KCNH7: variants seen among roughly 807,000 people sequenced by gnomAD.
KCNH7 encodes the protein voltage-gated inwardly rectifying potassium channel KCNH7.
Under a neutral mutation model 120.8 loss-of-function variants are expected in KCNH7, and 49 were observed. The ratio of observed to expected loss-of-function variants is 0.41; its 90% CI spans 0.32 to 0.51. The LOEUF is 0.51. Ranked by LOEUF, KCNH7 falls within the 20% of genes least tolerant of loss-of-function variation. The pLI, the probability that KCNH7 is intolerant of heterozygous loss-of-function variation, is 0.38. For missense variants in KCNH7, 1,097 were observed against 1,446.6 expected (o/e 0.76, Z 3.92); for synonymous variants, 547 against 516.1 (o/e 1.06, Z -0.81).
chr2:162,650,569 A>G (rs1320581686), intron 2 of KCNH7, among the ~76,000 whole-genome samples: 2 of 152,138 alleles, frequency 1.3e-5, no homozygotes, highest in Non-Finnish European at 2.9e-5. Context: ...TTCCTCGCCT[A>G]GGTTCAAATG....
At chr2:162,700,781 A>G (rs1234703326) in intron 2 of KCNH7, among the ~76,000 whole-genome samples, 2 of 152,196 alleles carry the variant, frequency 1.3e-5, no homozygotes, top group Non-Finnish European at 2.9e-5. Context: ...GAGTCTGTCA[A>G]AAGCTTTAAA....
chr2:162,729,306 C>T (rs926747000), intron 2 of KCNH7, among the ~76,000 whole-genome samples: 6 of 152,062 alleles, frequency 3.9e-5, no homozygotes, highest in Admixed American at 3.3e-4. Context: ...GCTGGGACTA[C>T]AGGCGCCCGA....
intron 9 of KCNH7, among the ~76,000 whole-genome samples, chr2:162,409,788 C>T (rs1687331759): frequency 6.6e-6 from 1 of 151,836 alleles, no homozygotes; most frequent in African/African-American, 2.4e-5. Context: ...ACACCGATAA[C>T]ACCCAAGTTC....
At chr2:162,383,231 G>C (rs959936457) in intron 13 of KCNH7, among the ~76,000 whole-genome samples, 1 of 151,932 alleles carries the variant, frequency 6.6e-6, no homozygotes, top group African/African-American at 2.4e-5. Context: ...TTTGGAGATA[G>C]CAGAGATGGT....
chr2:162,406,380 A>G (rs1558929172), intron 9 of KCNH7, among the ~76,000 whole-genome samples: 1 of 151,954 alleles, frequency 6.6e-6, no homozygotes, highest in East Asian at 1.9e-4. Context: ...TTCACTTAGT[A>G]TAGTTGCAGG....
At chr2:162,512,786 G>T in intron 4 of KCNH7, 112 bp from the exon 5 acceptor site, 1 of 800,802 alleles carries the variant, frequency 1.2e-6, no homozygotes, top group Non-Finnish European at 1.9e-6. Context: ...AGAATATGAT[G>T]GAAAATTTCT....
rs553445136 is a variant in KCNH7 at position 162,779,132 on chromosome 2, G to A, written c.307+57405C>T. Among the ~76,000 whole-genome samples the A allele has an allele frequency of 1.4e-4, 22 of 152,138 alleles. No homozygotes were observed. In the East Asian group the frequency reaches 3.7e-3, roughly 25 times the overall value. ...AAAAGTATTTTTTCCAAAAGTTGTA[G>A]GAGAGCTTTCACCTTAAGAAAAACG... On this transcript the variant is annotated intron_variant, in intron 2 of 15. Transcript: ENST00000332142.
intron 2 of KCNH7, among the ~76,000 whole-genome samples, chr2:162,799,790 C>T (rs1427998422): frequency 4.0e-5 from 6 of 151,856 alleles, no homozygotes; most frequent in African/African-American, 1.2e-4. Context: ...TTTGGTAAAA[C>T]AATTTGCGTT....
chr2:162,549,939 T>C (rs1278285871), intron 2 of KCNH7, among the ~76,000 whole-genome samples: 3 of 152,198 alleles, frequency 2.0e-5, no homozygotes, highest in African/African-American at 7.2e-5. Context: ...TGAATTTGTT[T>C]CATTGATATT....
chr2:162,797,425 G>T (rs550758222), intron 2 of KCNH7: 2 of 152,172 alleles, frequency 1.3e-5, no homozygotes, highest in African/African-American at 4.8e-5. Flanking sequence ...TCATAGGAAT[G>T]AAAAATTCAC....
chr2:162,491,255 C>CA (rs1268692379), intron 6 of KCNH7, among the ~76,000 whole-genome samples: 1 of 152,228 alleles, frequency 6.6e-6, no homozygotes, highest in Non-Finnish European at 1.5e-5. Flanking sequence ...GTTTTTCCCC[C>CA]AGGCATTGTC....
At chr2:162,688,572 G>C (rs145681324) in intron 2 of KCNH7, among the ~76,000 whole-genome samples, 2 of 152,008 alleles carry the variant, frequency 1.3e-5, no homozygotes, top group Non-Finnish European at 1.5e-5. Flanking sequence ...ATCTGCTTTC[G>C]AGTTGCACCT....
chr2:162,489,049 A>G (rs73971785), intron 6 of KCNH7, among the ~76,000 whole-genome samples: 118 of 152,318 alleles, frequency 7.7e-4, no homozygotes, highest in African/African-American at 2.7e-3. Context: ...CTGAAATAAC[A>G]TTTTAATTTA....
intron 2 of KCNH7, among the ~76,000 whole-genome samples, chr2:162,655,527 C>T (rs1684720211): frequency 6.6e-6 from 1 of 151,814 alleles, no homozygotes; most frequent in South Asian, 2.1e-4. Context: ...TGGCTCACGC[C>T]TGTAATCCCA....
intron 12 of KCNH7, among the ~76,000 whole-genome samples, chr2:162,388,269 A>G (rs1407275552): frequency 6.6e-6 from 1 of 151,840 alleles, no homozygotes; most frequent in African/African-American, 2.4e-5. Context: ...TAAATTCTGG[A>G]GCTCTATTCT....
intron 2 of KCNH7, among the ~76,000 whole-genome samples, chr2:162,788,001 A>T (rs1683775306): frequency 6.7e-6 from 1 of 150,112 alleles, no homozygotes; most frequent in Admixed American, 6.6e-5. Flanking sequence ...TTTGCCAAAT[A>T]CAATATGTAA....
In KCNH7 at chr2:162,720,432, G is replaced by A. The variant is rs141825759; in HGVS notation, c.307+116105C>T. ...TGGAGTTATCTGAGACTTAATCCAC[G>A]TGCACAGTGGTAGTGGCGTGCTCAC... On this transcript the variant is annotated intron_variant, in intron 2 of 15. Transcript: ENST00000332142. 1.1e-4 allele frequency among the ~76,000 whole-genome samples: 16 copies of A among 151,842 alleles called. No individual in the cohort carries two copies. In the East Asian group the frequency reaches 2.7e-3, roughly 26 times the overall value.
At chr2:162,643,732 G>A (rs1173185350) in intron 2 of KCNH7, among the ~76,000 whole-genome samples, 3 of 148,222 alleles carry the variant, frequency 2.0e-5, no homozygotes, top group African/African-American at 5.1e-5. Context: ...CTTGAACCCA[G>A]GAGGTGGAGG....
chr2:162,492,756 T>C (rs796757513), intron 6 of KCNH7, among the ~76,000 whole-genome samples: 2 of 151,324 alleles, frequency 1.3e-5, no homozygotes, highest in South Asian at 4.2e-4. Context: ...AATCAGGTAA[T>C]AAGGAATTTA....
Sources: gnomAD v4.1 joint callset for allele counts (sites outside exome capture counted in the v4.1 genomes callset) on GRCh38, gnomAD v4.1.1 for gene constraint, MANE v1.5 for transcripts, NCBI Gene and HGNC (gene_info 2026-07-23, HGNC 2026-07-21) for gene names.